Variants in ITM2C observed in about 807,000 individuals in gnomAD.
The protein encoded by ITM2C is BRICHOS domain containing 2C.
A neutral mutation model predicts 30.0 loss-of-function variants in ITM2C; 20 were observed. The observed-to-expected ratio is 0.67, with a 90% confidence interval of 0.47 to 0.97. The LOEUF (loss-of-function observed/expected upper bound fraction) is 0.97. Ranked by LOEUF, ITM2C falls within the 50% of genes least tolerant of loss-of-function variation. ITM2C has a pLI of 0.00. For missense variants in ITM2C, 366 were observed against 371.9 expected (o/e 0.98, Z 0.13); for synonymous variants, 167 against 156.4 (o/e 1.07, Z -0.51).
upstream of ITM2C, chr2:230,864,696 A>G (rs1696975632): frequency 6.7e-6 from 1 of 149,934 alleles, no homozygotes; most frequent in Non-Finnish European, 1.4e-5. The surrounding 1 kb of genome is among the most constrained non-coding windows in gnomAD (Gnocchi z 4.3). Flanking sequence ...GGCTGAATGA[A>G]TGAGTGAGCG....
chr2:230,875,003 G>T (rs994103138), intron 2 of ITM2C, among the ~76,000 whole-genome samples: 23 of 152,206 alleles, frequency 1.5e-4, no homozygotes, highest in Non-Finnish European at 3.4e-4. Context: ...CCGTGATAGG[G>T]GCACAAGACT....
intron 2 of ITM2C, among the ~76,000 whole-genome samples, chr2:230,874,301 C>T (rs937544418): frequency 1.3e-5 from 2 of 152,272 alleles, no homozygotes; most frequent in South Asian, 2.1e-4. Context: ...TTTGCATTCA[C>T]GGGGCTTTCC....
At position 230,879,175 on chromosome 2, in the gene ITM2C, A is replaced by G. The variant is rs1432374619; in HGVS notation, c.*1076A>G. 2.0e-5 allele frequency: 3 copies of G among 152,568 alleles called. No individual in the cohort carries two copies. The highest frequency in any genetic ancestry group is 2.9e-5 in the Non-Finnish European group (2 of 68,030). 9.5% of individuals were successfully genotyped at this position (152,568 alleles called of 1,614,324 possible). A position where few individuals can be genotyped will look rare whatever the true frequency, so the allele number is the denominator to read the frequency against. On this transcript the variant is annotated 3_prime_UTR_variant, in exon 6 of 6. Coordinates refer to ENST00000326427, the MANE Select transcript of ITM2C (RefSeq NM_030926.6). ...CAGTCTCTGGGGATGAAACTCTTAA[A>G]TGCTTTGTATATTTTCTCAATTAGA...
chr2:230,875,374 C>G (rs1459913431), intron 2 of ITM2C, among the ~76,000 whole-genome samples: 3 of 152,186 alleles, frequency 2.0e-5, no homozygotes, highest in African/African-American at 4.8e-5. Flanking sequence ...TCCTCCCTTC[C>G]GTTTGTGAAG....
rs891490503 is a variant in ITM2C at position 230,877,694 on chromosome 2, A to C, written c.712+144A>C. On this transcript the variant is annotated intron_variant, in intron 5 of 5. Coordinates refer to ENST00000326427, the MANE Select transcript of ITM2C (RefSeq NM_030926.6). The surrounding 1 kb of genome is among the most constrained non-coding windows in gnomAD (Gnocchi z 4.8). ...GCAGAGCACTTCCGTGTGCCGGGCA[A>C]TGCTGTGTGCTCTTTATGACCTCTT... The C allele has an allele frequency of 1.3e-5, 11 of 828,194 alleles. No individual in the cohort carries two copies. Among genetic ancestry groups the C allele is most frequent in the Admixed American group, 2.5e-5 (1 of 39,834 alleles). The allele number at this position is 828,194 out of a possible 1,614,324, so 51.3% of individuals were successfully genotyped here.
intron 3 of ITM2C, 125 bp downstream of exon 3, chr2:230,875,933 G>T: frequency 1.3e-6 from 1 of 762,038 alleles, no homozygotes; most frequent in South Asian, 1.8e-5. Flanking sequence ...GCTTACCAGG[G>T]TCTTCAAGAC....
intron 1 of ITM2C, chr2:230,873,190 GGT>G: frequency 2.3e-6 from 1 of 443,456 alleles, no homozygotes; most frequent in South Asian, 6.5e-5. Flanking sequence ...TCTCTTTCGA[GGT>G]GTGTCTCCTT....
At position 230,878,280 on chromosome 2, in the gene ITM2C, G is replaced by C. The variant is rs1689987067; in HGVS notation, c.*181G>C. On this transcript the variant is annotated 3_prime_UTR_variant, in exon 6 of 6. Transcript: ENST00000326427. This position sits in a 1 kb window ranked among gnomAD's most constrained non-coding sequence, Gnocchi z 4.5. ...TGTACCAGAGCTGTGATCTCTCGGT[G>C]GGGGGCCCATCTCTGCTGACCTGGG... 8.5e-5 allele frequency: 37 copies of C among 433,626 alleles called. No individual in the cohort carries two copies. The East Asian group carries it at 1.4e-3, about 17-fold the overall frequency. 26.9% of individuals were successfully genotyped at this position (433,626 alleles called of 1,614,324 possible).
At chr2:230,875,519 CT>C in intron 2 of ITM2C, 100 bp from the exon 3 acceptor site, 1 of 1,035,430 alleles carries the variant, frequency 9.7e-7, no homozygotes, top group Non-Finnish European at 1.4e-6. Flanking sequence ...CTTCCGCAGG[CT>C]TTTGGGGCAT....
Position 230,877,603 on chromosome 2 carries a change from G to A in ITM2C, c.712+53G>A. 6.3e-7 allele frequency: 1 copy of A among 1,595,344 alleles called. No homozygotes were observed. Among genetic ancestry groups the A allele is most frequent in the Non-Finnish European group, 8.6e-7 (1 of 1,167,448 alleles). On this transcript the variant is annotated intron_variant, in intron 5 of 5. Transcript: ENST00000326427. The surrounding 1 kb of genome is among the most constrained non-coding windows in gnomAD (Gnocchi z 4.8). Reference sequence around the variant, plus strand: ...CCCCTGTCCCGTGCCCCAGACCACAGTTATCTTCACGCCTAGCCCAGCTGT... The same window carrying A: ...CCCCTGTCCCGTGCCCCAGACCACAATTATCTTCACGCCTAGCCCAGCTGT...
chr2:230,867,964 C>T (rs867186183), intron 1 of ITM2C, among the ~76,000 whole-genome samples: 1 of 152,202 alleles, frequency 6.6e-6, no homozygotes, highest in Admixed American at 6.5e-5. Context: ...CGGCCCAAAA[C>T]AAGATGTAAA....
Position 230,878,059 on chromosome 2 carries a change from A to G in ITM2C, c.764A>G (p.Asn255Ser), listed in dbSNP as rs771886544. 1.5e-5 allele frequency: 24 copies of G among 1,606,904 alleles called. No individual in the cohort carries two copies. Among genetic ancestry groups the G allele is most frequent in the Middle Eastern group, 1.7e-4 (1 of 6,050 alleles). The change falls in exon 6 of 6, where the codon AAC becomes AGC. Residue 255 changes from asparagine (N) to serine (S), a missense_variant. Physicochemically the swap from Asn to Ser is conservative, Grantham distance 46 (BLOSUM62 1). Coordinates refer to ENST00000326427, the MANE Select transcript of ITM2C (RefSeq NM_030926.6). The surrounding 1 kb of genome is among the most constrained non-coding windows in gnomAD (Gnocchi z 4.5). ...TGCAATGCCATCCGCCACTTCGAGA[A>G]CACCTTCGTGGTGGAGACGCTCATC... ...KNCNAIRHFE[N>S]TFVVETLICG... is the part of the protein sequence containing the mutation.
intron 1 of ITM2C, among the ~76,000 whole-genome samples, chr2:230,870,154 G>A (rs945030092): frequency 6.6e-6 from 1 of 152,236 alleles, no homozygotes; most frequent in African/African-American, 2.4e-5. Context: ...CCAGACAGGT[G>A]TAAATACCCC....
At position 230,876,512 on chromosome 2, in the gene ITM2C, C is replaced by A. The variant is rs1181879370; in HGVS notation, c.451-345C>A. On this transcript the variant is annotated intron_variant, in intron 3 of 5. Coordinates refer to ENST00000326427, the MANE Select transcript of ITM2C (RefSeq NM_030926.6). ...GCTTTTTTTTTTGGAGACAGAGTCT[C>A]GCTCTGTCGCCCAGGCTGGAGTGCA... Among the ~76,000 whole-genome samples, 6 of 152,070 alleles carry A rather than the reference C, an allele frequency of 3.9e-5. No individual in the cohort carries two copies. The South Asian group carries it at 8.3e-4, about 21-fold the overall frequency.
chr2:230,869,686 G>A (rs1697116033), intron 1 of ITM2C, among the ~76,000 whole-genome samples: 1 of 152,204 alleles, frequency 6.6e-6, no homozygotes, highest in African/African-American at 2.4e-5. Flanking sequence ...ACTGGGGGAT[G>A]GGGCCCGGGA....
chr2:230,875,840 T>C, intron 3 of ITM2C, 32 bp downstream of exon 3: 1 of 144,998 alleles, frequency 6.9e-6, no homozygotes. Flanking sequence ...GGGTGGGGGG[T>C]GGGAGGGTGT....
At chr2:230,869,314 T>A (rs1036520931) in intron 1 of ITM2C, among the ~76,000 whole-genome samples, 4 of 151,836 alleles carry the variant, frequency 2.6e-5, no homozygotes, top group Non-Finnish European at 5.9e-5. Context: ...GACAGGAGAG[T>A]GATGGGGACC....
At chr2:230,876,078 A>G (rs1697288834) in intron 3 of ITM2C, among the ~76,000 whole-genome samples, 1 of 152,060 alleles carries the variant, frequency 6.6e-6, no homozygotes, top group African/African-American at 2.4e-5. Context: ...GGGGTAGTAC[A>G]TTCACCATCG....
rs1035689559 is a variant in ITM2C at position 230,865,939 on chromosome 2, C to G, written c.120+794C>G. Among the ~76,000 whole-genome samples, 36 of 152,354 alleles carry G rather than the reference C, an allele frequency of 2.4e-4. No homozygotes were observed. Among genetic ancestry groups the G allele is most frequent in the African/African-American group, 8.2e-4 (34 of 41,590 alleles). Reference sequence around the variant, plus strand: ...CCCCAGTGCCCTTGCATCCTGGGTCCCCGGGCTCTGTGCGCGTTCCCCCAC... The same window carrying G: ...CCCCAGTGCCCTTGCATCCTGGGTCGCCGGGCTCTGTGCGCGTTCCCCCAC... On this transcript the variant is annotated intron_variant, in intron 1 of 5. Coordinates refer to ENST00000326427, the MANE Select transcript of ITM2C (RefSeq NM_030926.6). The surrounding 1 kb of genome is among the most constrained non-coding windows in gnomAD (Gnocchi z 6.8).
Sources: allele counts gnomAD v4.1 joint callset (sites outside exome capture counted in the v4.1 genomes callset), GRCh38; gene constraint gnomAD v4.1.1; non-coding constraint Gnocchi (gnomAD v3.1); transcripts MANE v1.5; gene names NCBI Gene and HGNC (gene_info 2026-07-23, HGNC 2026-07-21).